The following TECPR2 variants were observed in gnomAD, a reference collection of about 807,000 sequenced individuals.
The protein encoded by TECPR2 is tectonin beta-propeller repeat-containing protein 2.
TECPR2 carries 65 observed loss-of-function variants against 138.1 expected under a neutral mutation model. That is an observed-to-expected ratio of 0.47 (90% CI 0.39 to 0.58). The LOEUF is 0.58. Ranked by LOEUF, TECPR2 falls within the 20% of genes least tolerant of loss-of-function variation. The pLI, the probability that TECPR2 is intolerant of heterozygous loss-of-function variation, is 0.00. For missense variants in TECPR2, 1,553 were observed against 1,824.5 expected, an observed-to-expected ratio of 0.85 and a Z score of 2.71; for synonymous variants, 746 against 749.8, an observed-to-expected ratio of 0.99 and a Z score of 0.08.
intron 7 of TECPR2, among the ~76,000 whole-genome samples, chr14:102,430,672 A>G (rs1190540): frequency 0.67 from 101,171 of 152,024 alleles, 33,866 homozygotes; most frequent in Non-Finnish European, 0.7. Flanking sequence ...CGTGTTGCAG[A>G]AAAGATGAGT....
chr14:102,446,588 C>T (rs184041398), intron 13 of TECPR2, among the ~76,000 whole-genome samples: 44 of 152,210 alleles, frequency 2.9e-4, no homozygotes, highest in Non-Finnish European at 5.7e-4. Context: ...GAGCTAGACC[C>T]TGTCTCAAAA....
At chr14:102,431,184 C>G (rs993312765) in intron 7 of TECPR2, among the ~76,000 whole-genome samples, 1 of 150,268 alleles carries the variant, frequency 6.7e-6, no homozygotes, top group Non-Finnish European at 1.5e-5. Flanking sequence ...CCACCACACC[C>G]TGCTAAATTT....
At chr14:102,403,083 A>G (rs1016090707) in intron 2 of TECPR2, among the ~76,000 whole-genome samples, 1 of 152,202 alleles carries the variant, frequency 6.6e-6, no homozygotes, top group Admixed American at 6.5e-5. Flanking sequence ...AAAGATAACC[A>G]CAAGAAAAAT....
intron 17 of TECPR2, among the ~76,000 whole-genome samples, chr14:102,490,038 T>C (rs1265519405): frequency 1.3e-5 from 2 of 150,680 alleles, no homozygotes; most frequent in Non-Finnish European, 3.0e-5. Flanking sequence ...AAAAATACAG[T>C]GAGTTTATAA....
rs373532110 is a variant in TECPR2, at chr14:102,406,851, T to C, written c.220-487T>C. Among the ~76,000 whole-genome samples, 60 of 152,164 alleles carry C rather than the reference T, an allele frequency of 3.9e-4. No homozygotes were observed. In the South Asian group the frequency reaches 0.012, roughly 30 times the overall value. The stretch of plus-strand genomic sequence containing the variant: ...CCTAGGTATATTTGTTTTTTGGTTT[T>C]TTTGTTGTTGTTGTTTCTTGTTTTT... On this transcript the variant is annotated intron_variant, in intron 2 of 19. Coordinates refer to ENST00000359520, the MANE Select transcript of TECPR2 (RefSeq NM_014844.5).
At chr14:102,408,237 T>C (rs1888717230) in intron 3 of TECPR2, among the ~76,000 whole-genome samples, 1 of 152,106 alleles carries the variant, frequency 6.6e-6, no homozygotes. Flanking sequence ...ATTTTTGTGC[T>C]GGGTTGGACA....
At chr14:102,421,451 T>C (rs2139711366) in intron 5 of TECPR2, among the ~76,000 whole-genome samples, 1 of 152,358 alleles carries the variant, frequency 6.6e-6, no homozygotes, top group South Asian at 2.1e-4. Flanking sequence ...ATTTAGTTAC[T>C]GAGGTGCCAG....
intron 9 of TECPR2, chr14:102,437,149 G>A (rs1466705934): frequency 1.0e-6 from 1 of 985,364 alleles, no homozygotes; most frequent in Non-Finnish European, 1.2e-6. Context: ...TTTCTTTGAA[G>A]TAGTTAACTT....
intron 5 of TECPR2, among the ~76,000 whole-genome samples, chr14:102,422,227 A>C (rs1323652410): frequency 6.6e-6 from 1 of 152,204 alleles, no homozygotes; most frequent in Non-Finnish European, 1.5e-5. Context: ...AAAAAATAAT[A>C]ATTGAAATAT....
At chr14:102,492,491 T>C (rs572914509) in intron 17 of TECPR2, among the ~76,000 whole-genome samples, 2 of 152,380 alleles carry the variant, frequency 1.3e-5, no homozygotes, top group East Asian at 3.9e-4. Context: ...ATGTATATTT[T>C]CCTCCAGTAA....
Position 102,499,285 on chromosome 14 carries a change from T to G in TECPR2, c.*1028T>G, listed in dbSNP as rs960028503. ...TGCTGGCGGACATCCTAAAACCAGA[T>G]GCATCCTCAGAGGACGAGTCTACTA... is the stretch of plus-strand genomic sequence containing the variant. On this transcript the variant is annotated 3_prime_UTR_variant, in exon 20 of 20. Transcript: ENST00000359520. The G allele has an allele frequency of 1.6e-6, 1 of 639,914 alleles. No individual in the cohort carries two copies. The highest frequency in any genetic ancestry group is 1.8e-5 in the African/African-American group (1 of 55,934). 39.6% of individuals were successfully genotyped at this position (639,914 alleles called of 1,614,324 possible). A position where few individuals can be genotyped will look rare whatever the true frequency, so the allele number is the denominator to read the frequency against.
At chr14:102,473,131 T>G (rs1312258362) in intron 17 of TECPR2, among the ~76,000 whole-genome samples, 1 of 152,202 alleles carries the variant, frequency 6.6e-6, no homozygotes, top group African/African-American at 2.4e-5. Flanking sequence ...GGGTGGGACA[T>G]AGACCCAGGT....
intron 14 of TECPR2, among the ~76,000 whole-genome samples, chr14:102,450,081 T>C (rs112223201): frequency 2.0e-5 from 3 of 152,212 alleles, no homozygotes; most frequent in African/African-American, 7.2e-5. Flanking sequence ...TGTGTCTGGA[T>C]AGTGTTTCCC....
rs750870349 is a variant in TECPR2 at position 102,376,824 on chromosome 14, G to A, written c.103G>A (p.Val35Met). 13 of 1,614,164 alleles carry A rather than the reference G, an allele frequency of 8.1e-6. No homozygotes were observed. Among genetic ancestry groups the A allele is most frequent in the South Asian group, 3.3e-5 (3 of 91,076 alleles). Residue 35 changes from valine to methionine, a missense_variant, in exon 2 of 20, where the codon GTG becomes ATG. Transcript: ENST00000359520. The stretch of plus-strand genomic sequence containing the variant: ...GATCCAGAAGGGTTTCCGCTCTATC[G>A]TGGTCTATCTCACGGCCCTCGACAC... ...TKIQKGFRSI[V>M]VYLTALDTNG...
chr14:102,453,393 T>C (rs1188061482), intron 16 of TECPR2, among the ~76,000 whole-genome samples: 1 of 151,862 alleles, frequency 6.6e-6, no homozygotes, highest in African/African-American at 2.4e-5. Context: ...GGCAGGAGAA[T>C]TGCTTGAACC....
At chr14:102,436,910 T>G in intron 9 of TECPR2, 1 of 825,010 alleles carries the variant, frequency 1.2e-6, no homozygotes, top group Non-Finnish European at 1.5e-6. Flanking sequence ...AGACTGTCGG[T>G]GGGGTGGGGT....
intron 2 of TECPR2, among the ~76,000 whole-genome samples, chr14:102,392,346 A>C (rs539169228): frequency 2.6e-5 from 4 of 152,196 alleles, no homozygotes; most frequent in African/African-American, 9.6e-5. Context: ...CTATGTCTCT[A>C]AACTTCTCTT....
chr14:102,494,322 C>T (rs532116434), intron 17 of TECPR2, among the ~76,000 whole-genome samples: 4 of 152,258 alleles, frequency 2.6e-5, no homozygotes, highest in South Asian at 2.1e-4. Context: ...GCAGGCAGAT[C>T]GCTGGAGGTC....
chr14:102,405,528 G>T (rs1333375560), intron 2 of TECPR2, among the ~76,000 whole-genome samples: 1 of 152,142 alleles, frequency 6.6e-6, no homozygotes, highest in Non-Finnish European at 1.5e-5. Context: ...AATAACAAGG[G>T]TTGGTAAGGA....
Sources: allele counts gnomAD v4.1 joint callset (sites outside exome capture counted in the v4.1 genomes callset), GRCh38; gene constraint gnomAD v4.1.1; transcripts MANE v1.5; gene names NCBI Gene and HGNC (gene_info 2026-07-23, HGNC 2026-07-21).